MAGED1: variants seen among roughly 807,000 people sequenced by gnomAD.
The protein encoded by MAGED1 is MAGE family member D1, also known as melanoma-associated antigen D1.
MAGED1 carries 3 observed loss-of-function variants against 54.1 expected under a neutral mutation model. The observed-to-expected ratio is 0.06, with a 90% CI of 0.03 to 0.14. The LOEUF (loss-of-function observed/expected upper bound fraction) is 0.14. Among genes scored for constraint, MAGED1 ranks in the 10% least tolerant of loss-of-function variants. The probability of loss-of-function intolerance (pLI) is 1.00; values close to 1 mark genes in which losing one functional copy is unlikely to be tolerated. For missense variants in MAGED1, 485 were observed against 623.4 expected (o/e 0.78, Z 2.36); for synonymous variants, 217 against 227.3 (o/e 0.95, Z 0.41).
At chrX:51,846,725 A>G (rs986003469) in intron 1 of MAGED1, among the ~76,000 whole-genome samples, 4 of 110,785 alleles carry the variant, frequency 3.6e-5, no homozygotes, top group African/African-American at 1.3e-4. Context: ...GAAGAGAGAG[A>G]GGGGGAAGGT....
At chrX:51,899,234 C>A (rs1042537706) in intron 10 of MAGED1, 2 of 110,882 alleles carry the variant, frequency 1.8e-5, no homozygotes, top group Non-Finnish European at 3.8e-5. Context: ...ACCTCTGCCT[C>A]CTGGGTTCAA....
intron 1 of MAGED1, among the ~76,000 whole-genome samples, chrX:51,835,350 TATCTC>T (rs782642045): frequency 2.7e-5 from 3 of 111,073 alleles, no homozygotes; most frequent in African/African-American, 9.8e-5. Context: ...ATTACATGAA[TATCTC>T]ATGTAATTTA....
rs781958046 is a variant in MAGED1 at position 51,895,396 on chromosome X, A to G, written c.389A>G (p.Gln130Arg). ...CCAAATGCTGCCTATGATTTTTCCC[A>G]GGCAGCAACCACTGGTGAGTTAGCT... is the stretch of plus-strand genomic sequence containing the variant. ...KGPNAAYDFS[Q>R]AATTGELAAN... The change falls in exon 3 of 13, where the codon CAG becomes CGG. Residue 130 changes from glutamine to arginine, a missense_variant. Physicochemically the swap from Gln to Arg is conservative, Grantham distance 43 (BLOSUM62 1). Coordinates refer to ENST00000326587, the MANE Select transcript of MAGED1 (RefSeq NM_006986.4). 8.3e-7 allele frequency: 1 copy of G among 1,206,613 alleles called. No individual in the cohort carries two copies. Among genetic ancestry groups the G allele is most frequent in the Admixed American group, 2.2e-5 (1 of 45,459 alleles).
chrX:51,894,191 A>G, intron 1 of MAGED1, 78 bp from the exon 2 acceptor site: 1 of 563,537 alleles, frequency 1.8e-6, no homozygotes, highest in Non-Finnish European at 3.0e-6. Context: ...CCGCACAGTC[A>G]GACCACAGTC....
intron 1 of MAGED1, among the ~76,000 whole-genome samples, chrX:51,832,111 C>T (rs781865368): frequency 2.4e-4 from 27 of 111,487 alleles, no homozygotes; most frequent in Non-Finnish European, 9.4e-5. Flanking sequence ...CGGTTCACTG[C>T]AGCTCCGCCT....
At chrX:51,816,588 A>G (rs910795784) in intron 1 of MAGED1, among the ~76,000 whole-genome samples, 2 of 111,727 alleles carry the variant, frequency 1.8e-5, no homozygotes, top group Non-Finnish European at 3.8e-5. Context: ...TCCATACCAT[A>G]TAACACAGGT....
intron 1 of MAGED1, among the ~76,000 whole-genome samples, chrX:51,852,025 A>G (rs1557359806): frequency 1.8e-5 from 2 of 111,925 alleles, no homozygotes; most frequent in African/African-American, 6.5e-5. Flanking sequence ...TCTGGAGGTT[A>G]GTGGTCCTAA....
At chrX:51,850,530 T>A (rs1926849424) in intron 1 of MAGED1, among the ~76,000 whole-genome samples, 1 of 111,841 alleles carries the variant, frequency 8.9e-6, no homozygotes, top group Non-Finnish European at 1.9e-5. Flanking sequence ...TTATTTCCAC[T>A]GGTCAACACA....
At chrX:51,846,838 C>CTCTA (rs1240715352) in intron 1 of MAGED1, among the ~76,000 whole-genome samples, 1 of 111,749 alleles carries the variant, frequency 8.9e-6, no homozygotes, top group Non-Finnish European at 1.9e-5. Context: ...GAGAACTCCA[C>CTCTA]TCTATGATCC....
chrX:51,850,481 C>T (rs782726349), intron 1 of MAGED1, among the ~76,000 whole-genome samples: 21 of 111,808 alleles, frequency 1.9e-4, no homozygotes, highest in Non-Finnish European at 3.6e-4. Flanking sequence ...AACATAGATA[C>T]GGGTACAGAG....
chrX:51,840,293 A>G (rs890968030), intron 1 of MAGED1, among the ~76,000 whole-genome samples: 5 of 111,095 alleles, frequency 4.5e-5, no homozygotes, highest in Non-Finnish European at 9.4e-5. Context: ...TAAATTTCTA[A>G]TACACTAAAT....
intron 1 of MAGED1, among the ~76,000 whole-genome samples, chrX:51,867,191 GACTCTGGGCCAAAAGTGGGCC>G (rs1319819789): frequency 8.9e-6 from 1 of 111,753 alleles, no homozygotes; most frequent in Admixed American, 9.5e-5. Context: ...AAAACCACAA[GACTCTGGGCCAAAAGTGGGCC>G]ACTTGATGCA....
At chrX:51,882,851 C>T (rs148146558) in intron 1 of MAGED1, among the ~76,000 whole-genome samples, 1,189 of 110,307 alleles carry the variant, frequency 0.011, 24 homozygotes, top group African/African-American at 0.038. Context: ...CCACCACGCC[C>T]GGCTAATTTT....
intron 1 of MAGED1, among the ~76,000 whole-genome samples, chrX:51,824,280 C>T (rs1179832719): frequency 4.5e-5 from 5 of 110,908 alleles, no homozygotes; most frequent in Non-Finnish European, 1.9e-5. Context: ...GATAGTTTTA[C>T]TTCCTTTATT....
At chrX:51,842,635 T>C (rs1340538670) in intron 1 of MAGED1, among the ~76,000 whole-genome samples, 1 of 110,944 alleles carries the variant, frequency 9.0e-6, no homozygotes. Context: ...TTTTATATTT[T>C]GAGTATGATT....
chrX:51,825,032 G>A (rs1170950286), intron 1 of MAGED1, among the ~76,000 whole-genome samples: 2 of 109,767 alleles, frequency 1.8e-5, no homozygotes, highest in Admixed American at 9.9e-5. Context: ...ATTTGTAGGG[G>A]GCTTGAAGGA....
At chrX:51,821,845 C>G (rs1925649294) in intron 1 of MAGED1, among the ~76,000 whole-genome samples, 1 of 111,710 alleles carries the variant, frequency 9.0e-6, no homozygotes, top group Admixed American at 9.5e-5. Flanking sequence ...TTGAGATGGT[C>G]ATGTGGTTTT....
intron 1 of MAGED1, among the ~76,000 whole-genome samples, chrX:51,841,965 C>A: frequency 8.9e-6 from 1 of 111,783 alleles, no homozygotes; most frequent in Non-Finnish European, 1.9e-5. Context: ...TTTTCCAATT[C>A]TGTGAAGAAA....
chrX:51,825,026 G>T (rs192569237), intron 1 of MAGED1, among the ~76,000 whole-genome samples: 2 of 109,769 alleles, frequency 1.8e-5, no homozygotes, highest in Non-Finnish European at 3.8e-5. Flanking sequence ...CTTTATATTT[G>T]TAGGGGGCTT....
Sources: gnomAD v4.1 joint callset for allele counts (sites outside exome capture counted in the v4.1 genomes callset) on GRCh38, gnomAD v4.1.1 for gene constraint, MANE v1.5 for transcripts, NCBI Gene and HGNC (gene_info 2026-07-23, HGNC 2026-07-21) for gene names.